The following KIF6 variants were observed in gnomAD, a reference collection of about 807,000 sequenced individuals.
The protein encoded by KIF6 is kinesin family member 6.
In KIF6, 106 loss-of-function variants were observed where a neutral mutation model predicts 112.7. That is an observed-to-expected ratio of 0.94 (90% CI 0.80 to 1.11). The LOEUF (loss-of-function observed/expected upper bound fraction) is 1.11, where lower values mean the gene tolerates loss of function less well. KIF6 is among the 50% of genes least tolerant of loss of function. The pLI, the probability that KIF6 is intolerant of heterozygous loss-of-function variation, is 0.00. For missense variants in KIF6, 929 were observed against 964.0 expected (o/e 0.96, Z 0.48); for synonymous variants, 339 against 339.9 (o/e 1.00, Z 0.03).
At chr6:39,589,961 A>C (rs1436934870) in intron 7 of KIF6, among the ~76,000 whole-genome samples, 2 of 152,258 alleles carry the variant, frequency 1.3e-5, no homozygotes, top group Non-Finnish European at 1.5e-5. Context: ...AATTTTTGTT[A>C]AGTAAATCAA....
At chr6:39,533,653 T>G (rs1049547702) in intron 13 of KIF6, among the ~76,000 whole-genome samples, 58 of 151,978 alleles carry the variant, frequency 3.8e-4, no homozygotes, top group Non-Finnish European at 3.1e-4. Flanking sequence ...AACAAACCAC[T>G]GCAGTAACCT....
chr6:39,487,105 C>T (rs996188243), intron 13 of KIF6, among the ~76,000 whole-genome samples: 1 of 152,184 alleles, frequency 6.6e-6, no homozygotes, highest in African/African-American at 2.4e-5. Flanking sequence ...TGAGCCAACA[C>T]ATTTTTCTAA....
intron 22 of KIF6, among the ~76,000 whole-genome samples, chr6:39,337,188 T>C (rs563010585): frequency 5.3e-5 from 5 of 94,912 alleles, no homozygotes; most frequent in African/African-American, 2.3e-4. Context: ...TCTTTCTTTC[T>C]TTCTTTCTTT....
At chr6:39,412,046 C>T (rs147179869) in intron 15 of KIF6, among the ~76,000 whole-genome samples, 245 of 152,280 alleles carry the variant, frequency 1.6e-3, no homozygotes, top group African/African-American at 5.8e-3. Context: ...ACTACTCTGT[C>T]AGGACTCTTG....
intron 22 of KIF6, among the ~76,000 whole-genome samples, chr6:39,340,508 C>T (rs1185126290): frequency 6.6e-6 from 1 of 152,200 alleles, no homozygotes; most frequent in Non-Finnish European, 1.5e-5. Flanking sequence ...AGCTGTGTAA[C>T]CTTGGGCAAG....
intron 15 of KIF6, among the ~76,000 whole-genome samples, chr6:39,397,914 CAG>C (rs1768394576): frequency 1.3e-5 from 2 of 151,988 alleles, no homozygotes; most frequent in South Asian, 4.2e-4. Context: ...AGTGAATACC[CAG>C]AGAGAAGAAA....
At chr6:39,371,651 A>G (rs1766004442) in intron 16 of KIF6, among the ~76,000 whole-genome samples, 1 of 150,886 alleles carries the variant, frequency 6.6e-6, no homozygotes, top group Admixed American at 6.6e-5. Flanking sequence ...TCTCCCTTGC[A>G]GTTTCCCTAC....
At chr6:39,410,116 A>G (rs1025947991) in intron 15 of KIF6, among the ~76,000 whole-genome samples, 1 of 152,226 alleles carries the variant, frequency 6.6e-6, no homozygotes, top group Non-Finnish European at 1.5e-5. Context: ...CACGCTTACC[A>G]ATATGCCCCT....
At chr6:39,572,655 C>T (rs1780705256) in intron 10 of KIF6, among the ~76,000 whole-genome samples, 1 of 128,534 alleles carries the variant, frequency 7.8e-6, no homozygotes, top group Admixed American at 8.7e-5. Context: ...CAAAGATCTA[C>T]AGGCTTTTTT....
chr6:39,400,448 C>T (rs1768609504), intron 15 of KIF6, among the ~76,000 whole-genome samples: 1 of 152,318 alleles, frequency 6.6e-6, no homozygotes, highest in Non-Finnish European at 1.5e-5. Context: ...ATTTTTCAGA[C>T]AGCTTTATAC....
At chr6:39,487,209 G>A (rs1279635710) in intron 13 of KIF6, among the ~76,000 whole-genome samples, 1 of 152,198 alleles carries the variant, frequency 6.6e-6, no homozygotes, top group East Asian at 1.9e-4. Flanking sequence ...AACTGAGGCT[G>A]TAAGTCTGAC....
intron 1 of KIF6, among the ~76,000 whole-genome samples, chr6:39,723,869 T>C (rs896121957): frequency 2.0e-5 from 3 of 152,056 alleles, no homozygotes; most frequent in African/African-American, 7.2e-5. Context: ...GTTCTGCACA[T>C]GCACCCCAGG....
At chr6:39,365,111 C>T (rs1765458076) in intron 16 of KIF6, among the ~76,000 whole-genome samples, 1 of 152,200 alleles carries the variant, frequency 6.6e-6, no homozygotes, top group Non-Finnish European at 1.5e-5. Flanking sequence ...CCCTTTGACT[C>T]CCTTACCCAT....
In KIF6 at chr6:39,337,155, T is replaced by TTTTCCTTCCTTCCTTTCTTTCTTTCTTTC. The variant is rs1554195029; in HGVS notation, c.2429-608_2429-607insGAAAGAAAGAAAGAAAGGAAGGAAGGAAA. Among the ~76,000 whole-genome samples, 23 of 53,698 alleles carry TTTTCCTTCCTTCCTTTCTTTCTTTCTTTC rather than the reference T, an allele frequency of 4.3e-4. 2 individuals carry two copies. The highest frequency in any genetic ancestry group is 8.4e-4 in the Admixed American group (5 of 5,962). 35.2% of individuals were successfully genotyped at this position (53,698 alleles called of 152,430 possible). On this transcript the variant is annotated intron_variant, in intron 22 of 22. Transcript: ENST00000287152. ...TCCTTCCTTCCTTCCTTTCTCTTTC[T>TTTTCCTTCCTTCCTTTCTTTCTTTCTTTC]TTTCTTTCTTTCCTTCCTTCTTTCT...
chr6:39,687,970 A>G (rs1054787000), intron 3 of KIF6, among the ~76,000 whole-genome samples: 1 of 152,214 alleles, frequency 6.6e-6, no homozygotes, highest in Non-Finnish European at 1.5e-5. Flanking sequence ...GTGTATATAC[A>G]GGGGAACCAC....
At chr6:39,628,892 T>C (rs946346413) in intron 5 of KIF6, among the ~76,000 whole-genome samples, 3 of 152,156 alleles carry the variant, frequency 2.0e-5, no homozygotes, top group African/African-American at 7.2e-5. Context: ...TCTATAGTTT[T>C]GCCTTTTCCA....
chr6:39,670,394 A>T (rs1157232041), intron 3 of KIF6, among the ~76,000 whole-genome samples: 2 of 152,230 alleles, frequency 1.3e-5, no homozygotes, highest in Non-Finnish European at 2.9e-5. Flanking sequence ...TACCAATAAC[A>T]TAAATGGCCA....
At chr6:39,516,422 T>A (rs1777088086) in intron 13 of KIF6, among the ~76,000 whole-genome samples, 1 of 148,246 alleles carries the variant, frequency 6.7e-6, no homozygotes, top group Non-Finnish European at 1.5e-5. Context: ...TGTGTCATAC[T>A]GTATATATTA....
At chr6:39,454,998 C>G (rs1244835140) in intron 13 of KIF6, among the ~76,000 whole-genome samples, 31 of 150,438 alleles carry the variant, frequency 2.1e-4, no homozygotes, top group African/African-American at 6.3e-4. Context: ...CCGGGAAGCT[C>G]GAACTGGGTG....
Sources: allele counts gnomAD v4.1 joint callset (sites outside exome capture counted in the v4.1 genomes callset), GRCh38; gene constraint gnomAD v4.1.1; transcripts MANE v1.5; gene names NCBI Gene and HGNC (gene_info 2026-07-23, HGNC 2026-07-21).